Variants in RNGTT observed in about 807,000 individuals in gnomAD.
RNGTT encodes mRNA-capping enzyme.
RNGTT carries 33 observed loss-of-function variants against 79.3 expected under a neutral mutation model. The observed-to-expected ratio is 0.42, with a 90% CI of 0.32 to 0.56. The LOEUF (loss-of-function observed/expected upper bound fraction) is 0.56. Ranked by LOEUF, RNGTT falls within the 20% of genes least tolerant of loss-of-function variation. The pLI is 0.17. For synonymous variants in RNGTT, 222 were observed against 235.9 expected, an observed-to-expected ratio of 0.94 and a Z score of 0.54; for missense variants, 497 against 739.1, an observed-to-expected ratio of 0.67 and a Z score of 3.80.
chr6:88,736,245 CATTTAAG>C (rs1182498026), intron 13 of RNGTT, among the ~76,000 whole-genome samples: 1 of 152,122 alleles, frequency 6.6e-6, no homozygotes, highest in Non-Finnish European at 1.5e-5. Context: ...ATTATACAAA[CATTTAAG>C]AAATGACATC....
At chr6:88,704,894 A>T (rs1776079573) in intron 13 of RNGTT, among the ~76,000 whole-genome samples, 1 of 152,152 alleles carries the variant, frequency 6.6e-6, no homozygotes, top group Non-Finnish European at 1.5e-5. Flanking sequence ...TATTACTTAT[A>T]GGATATGTCA....
In RNGTT at chr6:88,904,819, A is replaced by G; in HGVS notation, c.580T>C (p.Phe194Leu). 1 of 1,613,992 alleles carries G rather than the reference A, an allele frequency of 6.2e-7. No individual in the cohort carries two copies. Among genetic ancestry groups the G allele is most frequent in the Non-Finnish European group, 8.5e-7 (1 of 1,179,996 alleles). The change falls in exon 6 of 16, where the codon TTT (phenylalanine) becomes CTT (leucine). Residue 194 changes from phenylalanine (F) to leucine (L), a missense_variant. This residue lies in a region of RNGTT where 440 missense variants were observed against 671.5 expected (regional missense o/e 0.66). Transcript: ENST00000369485. ...TCATCTTCGTCTTCATCATCCTCAA[A>G]ACACCAATCTGGCAATAGAGGTGGG... ...PPPPLLPDWC[F>L]EDDEDEDEDE...
At chr6:88,668,780 C>T (rs962309639) in intron 14 of RNGTT, among the ~76,000 whole-genome samples, 4 of 151,964 alleles carry the variant, frequency 2.6e-5, no homozygotes, top group Non-Finnish European at 5.9e-5. Context: ...AAAAGGAGCT[C>T]CCAAACAAGT....
intron 1 of RNGTT, among the ~76,000 whole-genome samples, chr6:88,952,482 C>G (rs1226679463): frequency 2.6e-5 from 4 of 152,232 alleles, no homozygotes; most frequent in Non-Finnish European, 5.9e-5. Flanking sequence ...CTTGAAAGCA[C>G]CACCTCCTGG....
chr6:88,612,112 G>A lies in RNGTT; in HGVS notation c.*607C>T, dbSNP rs1001130945. The A allele has an allele frequency of 6.6e-6, 1 of 152,514 alleles. No individual in the cohort carries two copies. The highest frequency in any genetic ancestry group is 1.5e-5 in the Non-Finnish European group (1 of 68,030). The allele number at this position is 152,514 out of a possible 1,614,324, so 9.4% of individuals were successfully genotyped here. A position where few individuals can be genotyped will look rare whatever the true frequency, so the allele number is the denominator to read the frequency against. ...AAACAATGCAATTCACAAAAATGGA[G>A]CTTTACTTTTTTCTTTTACATTTCC... On this transcript the variant is annotated 3_prime_UTR_variant, in exon 16 of 16. Transcript: ENST00000369485.
At chr6:88,858,721 T>C (rs1002262884) in intron 8 of RNGTT, among the ~76,000 whole-genome samples, 2 of 152,126 alleles carry the variant, frequency 1.3e-5, no homozygotes, top group African/African-American at 4.8e-5. Flanking sequence ...ATTTAGACAA[T>C]AGTTTGTTTG....
intron 14 of RNGTT, among the ~76,000 whole-genome samples, chr6:88,651,999 C>T (rs1017045624): frequency 9.9e-5 from 15 of 151,970 alleles, no homozygotes; most frequent in African/African-American, 3.4e-4. Flanking sequence ...TAATATTTTG[C>T]AAATTACCAA....
chr6:88,816,099 G>A (rs1562266985), intron 11 of RNGTT, among the ~76,000 whole-genome samples: 1 of 152,132 alleles, frequency 6.6e-6, no homozygotes, highest in Non-Finnish European at 1.5e-5. Flanking sequence ...CTCTGTTACG[G>A]TGATTTTATT....
chr6:88,769,730 A>T lies in RNGTT; in HGVS notation c.1439+44T>A, dbSNP rs748256447. The T allele has an allele frequency of 3.4e-6, 4 of 1,192,844 alleles. No individual in the cohort carries two copies. In the Admixed American group the frequency reaches 7.1e-5, roughly 21 times the overall value. 73.9% of individuals were successfully genotyped at this position (1,192,844 alleles called of 1,614,324 possible). Reference sequence around the variant, plus strand: ...CCCTGTAAAAGGTGAAGCCTTACACAAACAGTATTATTTCATGCAAAAAGT... The same window carrying T: ...CCCTGTAAAAGGTGAAGCCTTACACTAACAGTATTATTTCATGCAAAAAGT... On this transcript the variant is annotated intron_variant, in intron 13 of 15. Coordinates refer to ENST00000369485, the MANE Select transcript of RNGTT (RefSeq NM_003800.5).
chr6:88,920,807 G>A (rs1320605198), intron 4 of RNGTT, among the ~76,000 whole-genome samples: 3 of 152,092 alleles, frequency 2.0e-5, no homozygotes, highest in African/African-American at 7.2e-5. Context: ...TGTATTCTTA[G>A]AAGAACTGAT....
At chr6:88,875,134 T>C (rs558723056) in intron 8 of RNGTT, among the ~76,000 whole-genome samples, 2 of 152,006 alleles carry the variant, frequency 1.3e-5, no homozygotes, top group African/African-American at 4.8e-5. Flanking sequence ...ATATTTATTA[T>C]CCCATTAAGT....
At chr6:88,781,925 T>C (rs1779077550) in intron 12 of RNGTT, among the ~76,000 whole-genome samples, 2 of 152,038 alleles carry the variant, frequency 1.3e-5, no homozygotes, top group East Asian at 1.9e-4. Flanking sequence ...TCAACCTAAC[T>C]GTTATCCCTA....
intron 14 of RNGTT, among the ~76,000 whole-genome samples, chr6:88,647,575 G>A (rs949493960): frequency 6.6e-6 from 1 of 151,784 alleles, no homozygotes; most frequent in Admixed American, 6.6e-5. Flanking sequence ...AGCTGGGCAT[G>A]GTGGCATGCA....
intron 14 of RNGTT, among the ~76,000 whole-genome samples, chr6:88,677,450 T>A (rs1337262812): frequency 1.3e-5 from 2 of 152,086 alleles, no homozygotes; most frequent in Non-Finnish European, 2.9e-5. Context: ...TTCAATTAGA[T>A]CTCAAAAAAG....
At chr6:88,875,654 T>A (rs1782497486) in intron 8 of RNGTT, among the ~76,000 whole-genome samples, 1 of 152,168 alleles carries the variant, frequency 6.6e-6, no homozygotes, top group South Asian at 2.1e-4. Context: ...CTTACAGCGT[T>A]GTGAGTATTA....
intron 10 of RNGTT, among the ~76,000 whole-genome samples, chr6:88,848,593 G>A (rs1781564637): frequency 6.6e-6 from 1 of 151,914 alleles, no homozygotes; most frequent in African/African-American, 2.4e-5. Context: ...GTTGAGCAAA[G>A]GTCAGCAAAG....
intron 13 of RNGTT, among the ~76,000 whole-genome samples, chr6:88,696,633 CAA>C (rs1775681987): frequency 6.8e-6 from 1 of 147,888 alleles, no homozygotes; most frequent in South Asian, 2.1e-4. Flanking sequence ...CACACACACA[CAA>C]AATGTGTAAA....
chr6:88,750,452 C>T (rs1777804387), intron 13 of RNGTT, among the ~76,000 whole-genome samples: 1 of 152,024 alleles, frequency 6.6e-6, no homozygotes, highest in South Asian at 2.1e-4. Context: ...CTCATTGGAT[C>T]GTCAGGTGAG....
At position 88,952,906 on chromosome 6, in the gene RNGTT, T is replaced by A. The variant is rs530830450; in HGVS notation, c.64+10440A>T. On this transcript the variant is annotated intron_variant, in intron 1 of 15. Transcript: ENST00000369485. ...AGCTCTCAGGAAGCCCCAAGCCCCA[T>A]CCCTAGAGGAAGGGAGAGAGCACAA... 1.4e-4 allele frequency among the ~76,000 whole-genome samples: 21 copies of A among 152,142 alleles called. No homozygotes were observed. The South Asian group carries it at 4.4e-3, about 32-fold the overall frequency.
Sources: gnomAD v4.1 joint callset for allele counts (sites outside exome capture counted in the v4.1 genomes callset) on GRCh38, gnomAD v4.1.1 for gene constraint, gnomAD v4.1.1 regional missense constraint, MANE v1.5 for transcripts, NCBI Gene and HGNC (gene_info 2026-07-23, HGNC 2026-07-21) for gene names.